Variants in CDH13 observed in about 807,000 individuals in gnomAD.
The protein encoded by CDH13 is cadherin 13.
A neutral mutation model predicts 63.8 loss-of-function variants in CDH13; 24 were observed. The ratio of observed to expected loss-of-function variants is 0.38; its 90% CI spans 0.27 to 0.53. The LOEUF (loss-of-function observed/expected upper bound fraction) is 0.53, where lower values mean the gene tolerates loss of function less well. Ranked by LOEUF, CDH13 falls within the 20% of genes least tolerant of loss-of-function variation. The probability of loss-of-function intolerance (pLI) is 0.85; values close to 1 mark genes in which losing one functional copy is unlikely to be tolerated. For synonymous variants in CDH13, 503 were observed against 355.3 expected (o/e 1.42, Z -4.67); for missense variants, 1,049 against 903.1 (o/e 1.16, Z -2.07).
At chr16:83,121,823 C>T (rs1038507492) in intron 3 of CDH13, among the ~76,000 whole-genome samples, 2 of 152,138 alleles carry the variant, frequency 1.3e-5, no homozygotes, top group African/African-American at 4.8e-5. Flanking sequence ...TGAATATTGC[C>T]TGATTACTTT....
chr16:83,613,474 G>T (rs1909026969), intron 8 of CDH13, among the ~76,000 whole-genome samples: 1 of 152,026 alleles, frequency 6.6e-6, no homozygotes, highest in African/African-American at 2.4e-5. Context: ...CTATGCTTCT[G>T]TTGAGCTATT....
chr16:82,894,868 G>T (rs1358886148), intron 2 of CDH13, among the ~76,000 whole-genome samples: 1 of 152,180 alleles, frequency 6.6e-6, no homozygotes, highest in Admixed American at 6.5e-5. Flanking sequence ...TATGGCGAAG[G>T]CCTTGGTGAG....
intron 1 of CDH13, among the ~76,000 whole-genome samples, chr16:82,835,205 C>G (rs1019797119): frequency 6.6e-6 from 1 of 152,208 alleles, no homozygotes; most frequent in African/African-American, 2.4e-5. Flanking sequence ...TTGCACTTAA[C>G]AGCACCTCTT....
intron 7 of CDH13, among the ~76,000 whole-genome samples, chr16:83,492,526 G>T (rs1310908887): frequency 6.6e-6 from 1 of 152,110 alleles, no homozygotes; most frequent in Admixed American, 6.5e-5. Context: ...TGTGAAAATT[G>T]AGATGGAAAA....
chr16:83,178,101 A>C (rs867550907), intron 4 of CDH13, among the ~76,000 whole-genome samples: 5 of 152,166 alleles, frequency 3.3e-5, no homozygotes, highest in Admixed American at 6.5e-5. Context: ...CTATCGGTCC[A>C]CTGAAAAGCC....
intron 5 of CDH13, among the ~76,000 whole-genome samples, chr16:83,323,234 C>G (rs1161134191): frequency 7.2e-6 from 1 of 139,802 alleles, no homozygotes; most frequent in Non-Finnish European, 1.5e-5. Flanking sequence ...TTCTTTCTTT[C>G]TTTCTTTCCT....
chr16:83,140,807 C>A (rs533626833), intron 4 of CDH13, among the ~76,000 whole-genome samples: 1 of 152,180 alleles, frequency 6.6e-6, no homozygotes, highest in Non-Finnish European at 1.5e-5. Context: ...TGAAGAGCAC[C>A]TCACGATTTT....
intron 1 of CDH13, among the ~76,000 whole-genome samples, chr16:82,729,005 G>C (rs934945492): frequency 2.0e-5 from 3 of 152,100 alleles, no homozygotes; most frequent in African/African-American, 7.2e-5. Flanking sequence ...CTCCTCATCT[G>C]TTCAAGTTTT....
At chr16:83,711,577 G>A (rs919650043) in intron 10 of CDH13, among the ~76,000 whole-genome samples, 15 of 152,112 alleles carry the variant, frequency 9.9e-5, no homozygotes, top group African/African-American at 1.7e-4. Context: ...GTATAGTGGC[G>A]CAATCTTGAC....
At chr16:83,389,404 A>G (rs567570103) in intron 6 of CDH13, among the ~76,000 whole-genome samples, 65 of 152,326 alleles carry the variant, frequency 4.3e-4, no homozygotes, top group African/African-American at 5.8e-4. Flanking sequence ...CTATCTTTCT[A>G]TAAGAATAAT....
At chr16:83,232,545 C>CAAAAAAAA (rs371820662) in intron 5 of CDH13, among the ~76,000 whole-genome samples, 1 of 107,958 alleles carries the variant, frequency 9.3e-6, no homozygotes, top group Non-Finnish European at 2.1e-5. Flanking sequence ...ACAACAACAA[C>CAAAAAAAA]AAACAAACAA....
chr16:83,092,535 T>G (rs368169487), intron 3 of CDH13, among the ~76,000 whole-genome samples: 1 of 152,218 alleles, frequency 6.6e-6, no homozygotes. Context: ...TAATAAAATA[T>G]TGCAAATCAA....
chr16:83,532,668 C>G (rs2075106429), intron 7 of CDH13, among the ~76,000 whole-genome samples: 1 of 152,246 alleles, frequency 6.6e-6, no homozygotes, highest in African/African-American at 2.4e-5. Context: ...GCAATCTCTG[C>G]AGTGGCTTGC....
At chr16:83,607,599 G>A (rs1908463335) in intron 8 of CDH13, among the ~76,000 whole-genome samples, 1 of 152,122 alleles carries the variant, frequency 6.6e-6, no homozygotes, top group Non-Finnish European at 1.5e-5. Context: ...CTTCAGAACA[G>A]CTTCACTGCA....
At chr16:83,163,196 T>C (rs1025861426) in intron 4 of CDH13, among the ~76,000 whole-genome samples, 1 of 152,186 alleles carries the variant, frequency 6.6e-6, no homozygotes, top group South Asian at 2.1e-4. Context: ...CCCAGCCACA[T>C]GGAACTGTAA....
Position 82,627,082 on chromosome 16 carries a change from A to C in CDH13, c.-11A>C. ...AATGAAAACGCCGCCGGGCGCTTCT[A>C]GTCGGACAAAATGCAGCCGAGAACT... On this transcript the variant is annotated 5_prime_UTR_variant, in exon 1 of 14. The change abolishes the stop of an existing upstream ORF in the 5' untranslated region. Transcript: ENST00000567109. The C allele has an allele frequency of 1.3e-6, 2 of 1,597,850 alleles. No homozygotes were observed. The highest frequency in any genetic ancestry group is 1.7e-6 in the Non-Finnish European group (2 of 1,172,458).
chr16:83,672,056 T>G (rs1433400507), intron 9 of CDH13, among the ~76,000 whole-genome samples: 1 of 152,166 alleles, frequency 6.6e-6, no homozygotes, highest in Non-Finnish European at 1.5e-5. Context: ...GTATTTATAG[T>G]GATAGTACCA....
intron 2 of CDH13, among the ~76,000 whole-genome samples, chr16:82,890,902 G>A (rs1015778638): frequency 7.2e-5 from 11 of 151,892 alleles, no homozygotes; most frequent in South Asian, 2.1e-4. Flanking sequence ...TCTGCCCACC[G>A]CAGCCTCCCA....
intron 1 of CDH13, among the ~76,000 whole-genome samples, chr16:82,634,503 A>C (rs1029591974): frequency 2.2e-4 from 34 of 152,190 alleles, no homozygotes; most frequent in African/African-American, 8.2e-4. Context: ...ATCTGGGATC[A>C]TCTCACTCAG....
Sources: allele counts gnomAD v4.1 joint callset (sites outside exome capture counted in the v4.1 genomes callset), GRCh38; gene constraint gnomAD v4.1.1; transcripts MANE v1.5; gene names NCBI Gene and HGNC (gene_info 2026-07-23, HGNC 2026-07-21).